Variants in SLC17A5 observed in about 807,000 individuals in gnomAD.
The protein encoded by SLC17A5 is solute carrier family 17 member 5.
In SLC17A5, 47 loss-of-function variants were observed where a neutral mutation model predicts 59.4. That is an observed-to-expected ratio of 0.79 (90% CI 0.63 to 1.01). The LOEUF is 1.01. Among genes scored for constraint, SLC17A5 ranks in the 50% least tolerant of loss-of-function variants. The probability of loss-of-function intolerance (pLI) is 0.00; values close to 1 mark genes in which losing one functional copy is unlikely to be tolerated. For missense variants in SLC17A5, 522 were observed against 595.5 expected, an observed-to-expected ratio of 0.88 and a Z score of 1.28; for synonymous variants, 202 against 210.7, an observed-to-expected ratio of 0.96 and a Z score of 0.36.
chr6:73,600,255 C>CTTTTAAA, intron 10 of SLC17A5, 96 bp downstream of exon 10: 1 of 936,106 alleles, frequency 1.1e-6, no homozygotes, highest in South Asian at 1.4e-5. Context: ...TTCATAAGAA[C>CTTTTAAA]ATTTAGAATT....
chr6:73,602,575 C>G (rs1394183625), intron 9 of SLC17A5, among the ~76,000 whole-genome samples: 2 of 152,070 alleles, frequency 1.3e-5, no homozygotes, highest in East Asian at 3.9e-4. Flanking sequence ...GAGATCGAGA[C>G]CATGCTGGCT....
intron 7 of SLC17A5, among the ~76,000 whole-genome samples, chr6:73,616,607 C>CTTTTTTTTTTTTTTTTTTTTTT (rs767486363): frequency 7.2e-6 from 1 of 138,718 alleles, no homozygotes. Context: ...ACTGGAGAGT[C>CTTTTTTTTTTTTTTTTTTTTTT]TTTTTTTTTT....
chr6:73,651,960 T>C (rs567106723), intron 1 of SLC17A5, among the ~76,000 whole-genome samples: 125 of 151,284 alleles, frequency 8.3e-4, no homozygotes, highest in African/African-American at 2.9e-3. Context: ...ACACAGTATG[T>C]ATGAGCATAA....
intron 9 of SLC17A5, among the ~76,000 whole-genome samples, chr6:73,603,781 G>T (rs1455705224): frequency 6.6e-6 from 1 of 152,082 alleles, no homozygotes; most frequent in Non-Finnish European, 1.5e-5. Context: ...TCTGGACTTT[G>T]AAGATTGTAT....
intron 2 of SLC17A5, among the ~76,000 whole-genome samples, chr6:73,642,913 C>A (rs569832043): frequency 6.6e-6 from 1 of 152,114 alleles, no homozygotes; most frequent in Non-Finnish European, 1.5e-5. Flanking sequence ...TACATTCCAG[C>A]AGTATTGTCC....
chr6:73,650,210 AAAAAAG>A (rs1443626532), intron 1 of SLC17A5, among the ~76,000 whole-genome samples: 1 of 80,470 alleles, frequency 1.2e-5, no homozygotes, highest in African/African-American at 3.5e-5. Flanking sequence ...AAAAAAAAAA[AAAAAAG>A]AAAGAAAAAA....
intron 1 of SLC17A5, among the ~76,000 whole-genome samples, chr6:73,651,881 T>C (rs1172023595): frequency 1.3e-5 from 2 of 152,192 alleles, no homozygotes; most frequent in Admixed American, 1.3e-4. Flanking sequence ...AGAGTCCTTA[T>C]CTTTTAGAGG....
At chr6:73,630,046 G>C (rs5007652) in intron 6 of SLC17A5, among the ~76,000 whole-genome samples, 24,771 of 151,188 alleles carry the variant, frequency 0.16, 3,119 homozygotes, top group African/African-American at 0.35. Flanking sequence ...AGGCTGGAGT[G>C]CAGTGGTATG....
chr6:73,638,018 A>G (rs1270600913), intron 4 of SLC17A5, among the ~76,000 whole-genome samples: 1 of 152,188 alleles, frequency 6.6e-6, no homozygotes, highest in African/African-American at 2.4e-5. Context: ...TCACAATTTA[A>G]GGACAAAAAC....
intron 7 of SLC17A5, among the ~76,000 whole-genome samples, chr6:73,620,049 G>A (rs12207961): frequency 0.056 from 8,431 of 150,378 alleles, 415 homozygotes; most frequent in Admixed American, 0.16. Context: ...TCAGCCTCTC[G>A]AGTAGCTAGG....
chr6:73,634,105 AATT>A (rs1768891819), intron 6 of SLC17A5, among the ~76,000 whole-genome samples: 1 of 152,106 alleles, frequency 6.6e-6, no homozygotes, highest in Non-Finnish European at 1.5e-5. Flanking sequence ...TAGTATATTG[AATT>A]ATTATAGATT....
intron 10 of SLC17A5, among the ~76,000 whole-genome samples, chr6:73,595,571 GAAGGA>G (rs1285148606): frequency 6.6e-6 from 1 of 152,164 alleles, no homozygotes; most frequent in African/African-American, 2.4e-5. Context: ...TGGTGAGGGT[GAAGGA>G]AAAATAGGAG....
At chr6:73,602,634 C>G (rs12212323) in intron 9 of SLC17A5, among the ~76,000 whole-genome samples, 60,039 of 151,724 alleles carry the variant, frequency 0.4, 12,381 homozygotes, top group African/African-American at 0.49. Flanking sequence ...AATTAGCCGG[C>G]CGTGATGGCA....
rs773917333 is a variant in SLC17A5, at chr6:73,595,139, G to A, written c.1426C>T (p.Leu476=). The A allele has an allele frequency of 1.8e-5, 29 of 1,614,000 alleles. No homozygotes were observed. In the South Asian group the frequency reaches 3.1e-4, roughly 17 times the overall value. The change falls in exon 11 of 11, where the codon CTA becomes TTA. Residue 476 remains leucine (L), a synonymous_variant. Coordinates refer to ENST00000355773, the MANE Select transcript of SLC17A5 (RefSeq NM_012434.5). ...INVFGAIFFT[L]FAKGEVQNWA... The stretch of plus-strand genomic sequence containing the variant: ...TTTTGTACTTCACCTTTGGCGAATA[G>A]TGTAAAGAAAATGGCACCAAAAACA...
intron 3 of SLC17A5, among the ~76,000 whole-genome samples, chr6:73,639,263 T>G (rs1023526021): frequency 5.3e-5 from 8 of 152,154 alleles, no homozygotes; most frequent in African/African-American, 1.9e-4. Context: ...CCTTGGACAC[T>G]CTCTGTGTCA....
intron 9 of SLC17A5, among the ~76,000 whole-genome samples, chr6:73,601,400 C>T (rs1170310134): frequency 6.8e-6 from 1 of 146,356 alleles, no homozygotes; most frequent in African/African-American, 2.5e-5. Context: ...CCGCCCCGTC[C>T]GGGAGGGAGG....
intron 6 of SLC17A5, among the ~76,000 whole-genome samples, chr6:73,632,727 C>T (rs1013429120): frequency 2.0e-5 from 3 of 151,478 alleles, no homozygotes; most frequent in Admixed American, 6.6e-5. Flanking sequence ...CAGATGCGAG[C>T]CACCACCCCT....
At chr6:73,611,079 C>T (rs956836622) in intron 8 of SLC17A5, among the ~76,000 whole-genome samples, 4 of 152,012 alleles carry the variant, frequency 2.6e-5, no homozygotes, top group East Asian at 1.9e-4. Flanking sequence ...CCTGTCTCTA[C>T]GAAATATTAA....
intron 9 of SLC17A5, among the ~76,000 whole-genome samples, chr6:73,604,699 C>T (rs1402491468): frequency 1.3e-5 from 2 of 152,082 alleles, no homozygotes; most frequent in Non-Finnish European, 2.9e-5. Context: ...TGCAGTGAGC[C>T]GTGGTCTTGC....
Sources: gnomAD v4.1 joint callset for allele counts (sites outside exome capture counted in the v4.1 genomes callset) on GRCh38, gnomAD v4.1.1 for gene constraint, MANE v1.5 for transcripts, NCBI Gene and HGNC (gene_info 2026-07-23, HGNC 2026-07-21) for gene names.